The following RPTOR variants were observed in gnomAD, a reference collection of about 807,000 sequenced individuals.
The protein encoded by RPTOR is regulatory-associated protein of mTOR.
A neutral mutation model predicts 169.9 loss-of-function variants in RPTOR; 21 were observed. The observed-to-expected ratio is 0.12, with a 90% CI of 0.09 to 0.18. RPTOR has a LOEUF of 0.18. Ranked by LOEUF, RPTOR falls within the 10% of genes least tolerant of loss-of-function variation. The pLI is 1.00. For synonymous variants in RPTOR, 732 were observed against 753.2 expected (o/e 0.97, Z 0.46); for missense variants, 1,133 against 1,855.9 (o/e 0.61, Z 7.16).
Position 80,692,288 on chromosome 17 carries a change from T to C in RPTOR, c.349-15553T>C, listed in dbSNP as rs9893084. Among the ~76,000 whole-genome samples the C allele has an allele frequency of 3.6e-3, 278 of 76,210 alleles. 1 individual carries two copies. Among genetic ancestry groups the C allele is most frequent in the African/African-American group, 0.015 (268 of 18,360 alleles). 50.0% of individuals were successfully genotyped at this position (76,210 alleles called of 152,430 possible). ...CACCATGTCTGGCTACGTTATGTTATGTTATGTTATGTTATGTTATGTTAT... is the reference window on the plus strand; with the variant it reads ...CACCATGTCTGGCTACGTTATGTTACGTTATGTTATGTTATGTTATGTTAT... On this transcript the variant is annotated intron_variant, in intron 3 of 33. Transcript: ENST00000306801.
At position 80,945,691 on chromosome 17, in the gene RPTOR, T is replaced by C; in HGVS notation, c.3050T>C (p.Ile1017Thr). The C allele has an allele frequency of 6.2e-7, 1 of 1,611,424 alleles. No homozygotes were observed. Among genetic ancestry groups the C allele is most frequent in the Non-Finnish European group, 8.5e-7 (1 of 1,179,060 alleles). ...GGCATTACGAGATTGGACGACCAAA[T>C]ATTTCTGAACAGGAACCCCGGCGTC... ...QKGITRLDDQ[I>T]FLNRNPGVPS... is the part of the protein sequence containing the mutation. Residue 1017 changes from isoleucine (I) to threonine (T), a missense_variant, in exon 26 of 34, where the codon ATA (isoleucine) becomes ACA (threonine). Ile to Thr is a moderately conservative substitution (Grantham distance 89). Around this residue, in one of 9 missense-constraint regions of RPTOR, gnomAD observed 410 missense variants for 623.7 expected, o/e 0.66. Coordinates refer to ENST00000306801, the MANE Select transcript of RPTOR (RefSeq NM_020761.3).
At chr17:80,774,941 G>T (rs1280418237) in intron 6 of RPTOR, among the ~76,000 whole-genome samples, 2 of 152,208 alleles carry the variant, frequency 1.3e-5, no homozygotes, top group African/African-American at 2.4e-5. Context: ...TCCTCCACGG[G>T]CCCCGCCTGT....
At chr17:80,747,761 C>T (rs535682231) in intron 5 of RPTOR, among the ~76,000 whole-genome samples, 2 of 152,362 alleles carry the variant, frequency 1.3e-5, no homozygotes, top group African/African-American at 4.8e-5. Context: ...AAGTCCCCTT[C>T]AAACCTGCTG....
At chr17:80,577,713 G>A (rs562783573) in intron 1 of RPTOR, among the ~76,000 whole-genome samples, 13 of 152,298 alleles carry the variant, frequency 8.5e-5, no homozygotes, top group African/African-American at 3.1e-4. Context: ...CTGTGTGGAA[G>A]CTGCAGTCCA....
At chr17:80,701,742 T>C (rs2066102536) in intron 3 of RPTOR, among the ~76,000 whole-genome samples, 1 of 152,206 alleles carries the variant, frequency 6.6e-6, no homozygotes, top group Non-Finnish European at 1.5e-5. Context: ...TCACTTGTAC[T>C]CACAGACCCA....
At chr17:80,688,253 T>C (rs2143732790) in intron 3 of RPTOR, among the ~76,000 whole-genome samples, 1 of 152,250 alleles carries the variant, frequency 6.6e-6, no homozygotes, top group African/African-American at 2.4e-5. Flanking sequence ...CACTATCCTC[T>C]CCACTCCCTT....
At chr17:80,603,836 C>G (rs1355282899) in intron 1 of RPTOR, among the ~76,000 whole-genome samples, 1 of 152,212 alleles carries the variant, frequency 6.6e-6, no homozygotes, top group Non-Finnish European at 1.5e-5. Context: ...AGGCTGGTGA[C>G]AGGTAGCCTT....
At chr17:80,739,990 C>T (rs1490673585) in intron 5 of RPTOR, among the ~76,000 whole-genome samples, 1 of 151,972 alleles carries the variant, frequency 6.6e-6, no homozygotes, top group Non-Finnish European at 1.5e-5. Context: ...ATATTAAAAG[C>T]TGATTCTCAG....
At position 80,940,511 on chromosome 17, in the gene RPTOR, G is replaced by A; in HGVS notation, c.2935G>A (p.Asp979Asn). ...QPVMKIPEEH[D>N]LESQIRKERE... is the part of the protein sequence containing the mutation. ...GTTGTTGAAGATCCCAGAAGAGCAC[G>A]ACCTGGAGAGTCAGATCCGCAAGGA... Residue 979 changes from aspartate to asparagine, a missense_variant, in exon 25 of 34, where the codon GAC (aspartate) becomes AAC (asparagine). Physicochemically the swap from Asp to Asn is conservative, Grantham distance 23. Around this residue, in one of 9 missense-constraint regions of RPTOR, gnomAD observed 410 missense variants for 623.7 expected, o/e 0.66. Coordinates refer to ENST00000306801, the MANE Select transcript of RPTOR (RefSeq NM_020761.3). 2 of 1,613,692 alleles carry A rather than the reference G, an allele frequency of 1.2e-6. No individual in the cohort carries two copies. The highest frequency in any genetic ancestry group is 2.2e-5 in the East Asian group (1 of 44,862).
chr17:80,798,959 A>G (rs2067128653), intron 7 of RPTOR, among the ~76,000 whole-genome samples: 1 of 152,174 alleles, frequency 6.6e-6, no homozygotes. Context: ...TCCCTGAGTC[A>G]CACCTACATT....
At position 80,730,502 on chromosome 17, in the gene RPTOR, C is replaced by G. The variant is rs2066381659; in HGVS notation, c.508-58C>G. 17 of 1,591,284 alleles carry G rather than the reference C, an allele frequency of 1.1e-5. No homozygotes were observed. The highest frequency in any genetic ancestry group is 1.3e-5 in the Non-Finnish European group (15 of 1,161,568). ...GCCTTTTGTAACGGTGCAGTACTCACCAGCAGCCCATATTCCTGAGACGCA... is the reference window on the plus strand; with the variant it reads ...GCCTTTTGTAACGGTGCAGTACTCAGCAGCAGCCCATATTCCTGAGACGCA... On this transcript the variant is annotated intron_variant, in intron 4 of 33. Transcript: ENST00000306801. This position sits in a 1 kb window ranked among gnomAD's most constrained non-coding sequence, Gnocchi z 4.2.
chr17:80,922,878 A>G, intron 22 of RPTOR, 51 bp downstream of exon 22: 1 of 1,470,290 alleles, frequency 6.8e-7, no homozygotes, highest in Non-Finnish European at 9.2e-7. Context: ...CCGGGGCCCC[A>G]CGGGCTGAGC....
chr17:80,545,141 C>G lies in RPTOR; in HGVS notation c.-489C>G, dbSNP rs1026128798. On this transcript the variant is annotated 5_prime_UTR_variant, in exon 1 of 34. Coordinates refer to ENST00000306801, the MANE Select transcript of RPTOR (RefSeq NM_020761.3). ...GCGGGACCCGCAGGGCTGAGAGTGG[C>G]TGGAGGAGACCCAGGGCCCTTTGAA... The G allele has an allele frequency of 3.0e-5, 7 of 234,146 alleles. No homozygotes were observed. Among genetic ancestry groups the G allele is most frequent in the African/African-American group, 4.4e-5 (2 of 45,362 alleles). 14.5% of individuals were successfully genotyped at this position (234,146 alleles called of 1,614,324 possible).
chr17:80,761,427 C>CGT (rs1261195327), intron 6 of RPTOR, among the ~76,000 whole-genome samples: 1 of 152,094 alleles, frequency 6.6e-6, no homozygotes, highest in Non-Finnish European at 1.5e-5. Flanking sequence ...AGAGCATTAA[C>CGT]GTGTATTTGT....
chr17:80,791,674 C>A (rs2067050173), intron 7 of RPTOR, among the ~76,000 whole-genome samples, 165 bp downstream of exon 7: 1 of 152,152 alleles, frequency 6.6e-6, no homozygotes, highest in South Asian at 2.1e-4. Flanking sequence ...GTGATTGTCA[C>A]ACTGGGGCTT....
rs1004615841 is a variant in RPTOR at position 80,965,701 on chromosome 17, G to C, written c.*1371G>C. On this transcript the variant is annotated 3_prime_UTR_variant, in exon 34 of 34. Transcript: ENST00000306801. The stretch of plus-strand genomic sequence containing the variant: ...TGCCGTGGCCAAGAGCATCTTCTGG[G>C]TGGATGGAACCCTGCCTGGTCACAT... 1 of 233,254 alleles carries C rather than the reference G, an allele frequency of 4.3e-6. No homozygotes were observed. Among genetic ancestry groups the C allele is most frequent in the African/African-American group, 2.2e-5 (1 of 45,348 alleles). The allele number at this position is 233,254 out of a possible 1,614,324, so 14.4% of individuals were successfully genotyped here.
At chr17:80,664,955 C>G (rs1223507103) in intron 3 of RPTOR, among the ~76,000 whole-genome samples, 1 of 152,116 alleles carries the variant, frequency 6.6e-6, no homozygotes, top group East Asian at 1.9e-4. Context: ...TGGCTTTTTT[C>G]TCCCTGAGCT....
intron 3 of RPTOR, among the ~76,000 whole-genome samples, chr17:80,661,520 A>G (rs1303874867): frequency 6.6e-6 from 1 of 152,060 alleles, no homozygotes; most frequent in Non-Finnish European, 1.5e-5. Context: ...GAGCTTGTAG[A>G]TGAGTTGGGG....
At position 80,721,784 on chromosome 17, in the gene RPTOR, T is replaced by C. The variant is rs1224897072; in HGVS notation, c.508-8776T>C. 6.6e-6 allele frequency among the ~76,000 whole-genome samples: 1 copy of C among 151,340 alleles called. No individual in the cohort carries two copies. The highest frequency in any genetic ancestry group is 1.5e-5 in the Non-Finnish European group (1 of 68,034). On this transcript the variant is annotated intron_variant, in intron 4 of 33. Transcript: ENST00000306801. This position sits in a 1 kb window ranked among gnomAD's most constrained non-coding sequence, Gnocchi z 4.7. ...GCTTTCCTGTTATTTATTAATAGGC[T>C]TAAGATAGCCAGAAGGACATTTCTG...
Sources: allele counts gnomAD v4.1 joint callset (sites outside exome capture counted in the v4.1 genomes callset), GRCh38; gene constraint gnomAD v4.1.1; regional missense constraint gnomAD v4.1.1; non-coding constraint Gnocchi (gnomAD v3.1); transcripts MANE v1.5; gene names NCBI Gene and HGNC (gene_info 2026-07-23, HGNC 2026-07-21).